Variants in TUT1 observed in about 807,000 individuals in gnomAD.
TUT1 encodes terminal uridylyl transferase 1, U6 snRNA-specific, also known as speckle targeted PIP5K1A-regulated poly(A) polymerase.
A neutral mutation model predicts 48.8 loss-of-function variants in TUT1; 26 were observed. The observed-to-expected ratio is 0.53, with a 90% CI of 0.39 to 0.74. The LOEUF (loss-of-function observed/expected upper bound fraction) is 0.74. Among genes scored for constraint, TUT1 ranks in the 30% least tolerant of loss-of-function variants. The pLI is 0.00. For synonymous variants in TUT1, 470 were observed against 460.8 expected (o/e 1.02, Z -0.26); for missense variants, 1,065 against 1,114.8 (o/e 0.96, Z 0.64).
At chr11:62,591,257 C>T in intron 1 of TUT1, 147 bp downstream of exon 1, 4 of 1,360,060 alleles carry the variant, frequency 2.9e-6, no homozygotes, top group Non-Finnish European at 3.8e-6. Context: ...CTCCAAATCC[C>T]CTCGGACTTG....
At position 62,581,133 on chromosome 11, in the gene TUT1, CAAG is replaced by C; in HGVS notation, c.660_662del (p.Phe220del). On this transcript the variant is annotated inframe_deletion, in exon 4 of 9. Coordinates refer to ENST00000476907, the MANE Select transcript of TUT1 (RefSeq NM_022830.3). ...GGGGCTCTTCCAAGTCACCCAGATCCAAGAAGAGGTCAAGATCACAGCCATGGA... is the reference window on the plus strand; with the variant it reads ...GGGGCTCTTCCAAGTCACCCAGATCCAAGAGGTCAAGATCACAGCCATGGA... The C allele has an allele frequency of 6.2e-7, 1 of 1,614,056 alleles. No homozygotes were observed. The highest frequency in any genetic ancestry group is 8.5e-7 in the Non-Finnish European group (1 of 1,179,992).
In TUT1 at chr11:62,575,250, C is replaced by T. The variant is rs762339006; in HGVS notation, c.2469G>A (p.Arg823=). 2 of 1,614,174 alleles carry T rather than the reference C, an allele frequency of 1.2e-6. No individual in the cohort carries two copies. Among genetic ancestry groups the T allele is most frequent in the Non-Finnish European group, 1.7e-6 (2 of 1,180,018 alleles). Residue 823 remains arginine (R), a synonymous_variant, in exon 9 of 9, where the codon AGG becomes AGA. Coordinates refer to ENST00000476907, the MANE Select transcript of TUT1 (RefSeq NM_022830.3). ...ELKGLSGGEE[R]PETEPLLSFV... ...AGCTCAGCAGGGGCTCAGTTTCTGGCCTCTCTTCGCCACCACTCAGTCCTT... is the reference window on the plus strand; with the variant it reads ...AGCTCAGCAGGGGCTCAGTTTCTGGTCTCTCTTCGCCACCACTCAGTCCTT...
In TUT1 at chr11:62,576,989, G is replaced by T. The variant is rs759427777; in HGVS notation, c.1299C>A (p.Ala433=). The T allele has an allele frequency of 1.2e-6, 2 of 1,614,076 alleles. No individual in the cohort carries two copies. Among genetic ancestry groups the T allele is most frequent in the East Asian group, 4.5e-5 (2 of 44,888 alleles). The change falls in exon 7 of 9, where the codon GCC becomes GCA. Residue 433 remains alanine, a synonymous_variant. Transcript: ENST00000476907. ...SGSGPLLSNY[A]LTLLVIYFLQ... is the part of the protein sequence containing the mutation. ...GAAAATAGATCACCAGCAAGGTCAG[G>T]GCGTAGTTACTGAGAAGGGGGCCAC...
At chr11:62,584,220 G>A (rs558809521) in intron 2 of TUT1, among the ~76,000 whole-genome samples, 18 of 148,850 alleles carry the variant, frequency 1.2e-4, no homozygotes, top group South Asian at 2.1e-4. Context: ...TCTGCCTCCC[G>A]GGGTTCAAGC....
At position 62,578,961 on chromosome 11, in the gene TUT1, G is replaced by C. The variant is rs544541221; in HGVS notation, c.760C>G (p.Leu254Val). The part of the protein sequence containing the change: ...ALASPLDPQA[L>V]ACTPASPPDS... ...GGAGGGGAAGCTGGGGTGCAGGCCA[G>C]GGCTTGAGGGTCCAGTGGGGAAGCC... The change falls in exon 5 of 9, where the codon CTG becomes GTG. Residue 254 changes from leucine (L) to valine (V), a missense_variant. By Grantham distance (32) the Leu-to-Val change is conservative (BLOSUM62 1). Coordinates refer to ENST00000476907, the MANE Select transcript of TUT1 (RefSeq NM_022830.3). 14 of 1,534,306 alleles carry C rather than the reference G, an allele frequency of 9.1e-6. No individual in the cohort carries two copies. In the South Asian group the frequency reaches 1.7e-4, roughly 18 times the overall value.
At position 62,576,642 on chromosome 11, in the gene TUT1, G is replaced by C. The variant is rs1480126364; in HGVS notation, c.1474+15C>G. ...AACATCATTACTAGTCCTCTACCAGGCTCCCCAAACTCACTGAGGGGCTCC... is the reference window on the plus strand; with the variant it reads ...AACATCATTACTAGTCCTCTACCAGCCTCCCCAAACTCACTGAGGGGCTCC... On this transcript the variant is annotated intron_variant, in intron 8 of 8. Coordinates refer to ENST00000476907, the MANE Select transcript of TUT1 (RefSeq NM_022830.3). The C allele has an allele frequency of 1.2e-6, 2 of 1,609,858 alleles. No individual in the cohort carries two copies. The highest frequency in any genetic ancestry group is 1.3e-5 in the African/African-American group (1 of 74,940).
rs763400391 is a variant in TUT1 at position 62,576,007 on chromosome 11, G to A, written c.1712C>T (p.Ala571Val). Residue 571 changes from alanine (A) to valine (V), a missense_variant, in exon 9 of 9, where the codon GCC becomes GTC. Ala to Val is a moderately conservative substitution (Grantham distance 64). Transcript: ENST00000476907. ...GRLQNCCRAAANYCRSLQYQR... is the reference protein window; with the variant it reads ...GRLQNCCRAAVNYCRSLQYQR... Reference sequence around the variant, plus strand: ...GTACTGGAGGCTTCGGCAGTAATTGGCTGCTGCTCGGCAGCAGTTCTGTAG... The same window carrying A: ...GTACTGGAGGCTTCGGCAGTAATTGACTGCTGCTCGGCAGCAGTTCTGTAG... The A allele has an allele frequency of 3.8e-5, 62 of 1,613,662 alleles. No homozygotes were observed. Among genetic ancestry groups the A allele is most frequent in the Non-Finnish European group, 5.2e-5 (61 of 1,179,982 alleles).
chr11:62,583,264 G>T (rs912895858), intron 2 of TUT1, among the ~76,000 whole-genome samples: 8 of 151,972 alleles, frequency 5.3e-5, no homozygotes, highest in Non-Finnish European at 1.0e-4. Flanking sequence ...TTGTAAGTTG[G>T]TGAGTTCAAT....
At position 62,583,587 on chromosome 11, in the gene TUT1, C is replaced by A. The variant is rs373200364; in HGVS notation, c.274-1886G>T. On this transcript the variant is annotated intron_variant, in intron 2 of 8. Transcript: ENST00000476907. ...ACTCCAGTCTGTCCAGTCTGGACAA[C>A]AAGAGCGAATCTCCGTCTCAAAAAG... 4.4e-3 allele frequency among the ~76,000 whole-genome samples: 668 copies of A among 151,800 alleles called. 11 individuals are homozygous for A. The highest frequency in any genetic ancestry group is 0.015 in the African/African-American group (623 of 41,354).
At position 62,581,347 on chromosome 11, in the gene TUT1, G is replaced by T. The variant is rs750794625; in HGVS notation, c.589+39C>A. The T allele has an allele frequency of 2.5e-6, 4 of 1,572,684 alleles. No homozygotes were observed. The South Asian group carries it at 4.7e-5, about 19-fold the overall frequency. On this transcript the variant is annotated intron_variant, in intron 3 of 8. Coordinates refer to ENST00000476907, the MANE Select transcript of TUT1 (RefSeq NM_022830.3). ...GGGATACAGACACAGGAGAGCAAAG[G>T]CCAGGGAGGGCTCAGACATAGTAGG...
rs143375337 is a variant in TUT1, at chr11:62,575,721, C to T, written c.1998G>A (p.Gln666=). The change falls in exon 9 of 9, where the codon CAG becomes CAA. Residue 666 remains glutamine (Q), a synonymous_variant. Transcript: ENST00000476907. ...GTSKRLKVDG[Q]KNCCEEGKEE... ...CTTTCCCCTCCTCACAGCAGTTTTT[C>T]TGTCCATCTACTTTGAGTCTTTTGC... 3 of 1,614,156 alleles carry T rather than the reference C, an allele frequency of 1.9e-6. No homozygotes were observed. Among genetic ancestry groups the T allele is most frequent in the Non-Finnish European group, 2.5e-6 (3 of 1,179,994 alleles).
Position 62,575,175 on chromosome 11 carries a change from G to C in TUT1, c.2544C>G (p.Leu848=). The change falls in exon 9 of 9, where the codon CTC becomes CTG. Residue 848 remains leucine, a synonymous_variant. Coordinates refer to ENST00000476907, the MANE Select transcript of TUT1 (RefSeq NM_022830.3). ...PADRMLTVTP[L]QDPQGLFPDL... ...CAGGGAACAGGCCTTGGGGATCCTGGAGCGGGGTCACAGTGAGCATTCGGT... is the reference window on the plus strand; with the variant it reads ...CAGGGAACAGGCCTTGGGGATCCTGCAGCGGGGTCACAGTGAGCATTCGGT... The C allele has an allele frequency of 6.2e-7, 1 of 1,609,066 alleles. No homozygotes were observed. The highest frequency in any genetic ancestry group is 8.5e-7 in the Non-Finnish European group (1 of 1,175,984).
Position 62,579,028 on chromosome 11 carries a change from T to C in TUT1, c.693A>G (p.Pro231=). 6.6e-7 allele frequency: 1 copy of C among 1,510,424 alleles called. No individual in the cohort carries two copies. The highest frequency in any genetic ancestry group is 1.4e-5 in the South Asian group (1 of 73,786). 93.6% of individuals were successfully genotyped at this position (1,510,424 alleles called of 1,614,324 possible). A position where few individuals can be genotyped will look rare whatever the true frequency, so the allele number is the denominator to read the frequency against. Residue 231 remains proline (P), a splice_region_variant and synonymous_variant, in exon 5 of 9, where the codon CCA becomes CCG. Transcript: ENST00000476907. ...ATGGAGATTCTGGAGCCTTTGGGAC[T>C]GGCTGTGGACAGAAATGAACTGAGT... ...LDLGDLEEPQ[P]VPKAPESPSL...
rs572859606 is a variant in TUT1 at position 62,578,788 on chromosome 11, C to T, written c.933G>A (p.Leu311=). ...GGTCCCCCTCTTCCCTGTCCTCTAG[C>T]AGTGGTGAAGCTGGAGGCAGAGACT... ...SPQSLPPASP[L]LEDREEGDLG... is the part of the protein sequence containing the mutation. Residue 311 remains leucine (L), a synonymous_variant, in exon 5 of 9, where the codon CTG becomes CTA. Transcript: ENST00000476907. 6.2e-7 allele frequency: 1 copy of T among 1,614,156 alleles called. No individual in the cohort carries two copies. Among genetic ancestry groups the T allele is most frequent in the South Asian group, 1.1e-5 (1 of 91,070 alleles).
At chr11:62,582,897 G>A (rs1358705400) in intron 2 of TUT1, among the ~76,000 whole-genome samples, 4 of 152,090 alleles carry the variant, frequency 2.6e-5, no homozygotes, top group Non-Finnish European at 5.9e-5. Flanking sequence ...AGGAGGCCGA[G>A]GTGGGTGGAT....
chr11:62,577,388 G>T, intron 5 of TUT1, 97 bp from the exon 6 acceptor site: 1 of 917,920 alleles, frequency 1.1e-6, no homozygotes, highest in Non-Finnish European at 1.7e-6. Flanking sequence ...GAGCCAGCTG[G>T]AATAAGGCCA....
intron 6 of TUT1, 58 bp from the exon 7 acceptor site, chr11:62,577,075 G>A (rs2134303682): frequency 6.3e-7 from 1 of 1,591,378 alleles, no homozygotes; most frequent in East Asian, 2.2e-5. Context: ...CCCCTCACTG[G>A]CAGTTTTCTC....
At chr11:62,576,526 T>C in intron 8 of TUT1, 131 bp downstream of exon 8, 1 of 870,690 alleles carries the variant, frequency 1.1e-6, no homozygotes, top group Non-Finnish European at 1.8e-6. Flanking sequence ...ATCTGTAAAA[T>C]GGCAGTAATA....
At chr11:62,586,943 G>A (rs1289305224) in intron 2 of TUT1, among the ~76,000 whole-genome samples, 4 of 150,058 alleles carry the variant, frequency 2.7e-5, no homozygotes, top group African/African-American at 4.9e-5. Flanking sequence ...GACCTTAGGT[G>A]ATCCTCCCAC....
Sources: gnomAD v4.1 joint callset for allele counts (sites outside exome capture counted in the v4.1 genomes callset) on GRCh38, gnomAD v4.1.1 for gene constraint, MANE v1.5 for transcripts, NCBI Gene and HGNC (gene_info 2026-07-23, HGNC 2026-07-21) for gene names.